Variants in PCM1 observed in about 807,000 individuals in gnomAD.
The protein encoded by PCM1 is pericentriolar material 1, also known as pericentriolar material 1 protein.
PCM1 carries 157 observed loss-of-function variants against 241.9 expected under a neutral mutation model. That is an observed-to-expected ratio of 0.65 (90% CI 0.57 to 0.74). PCM1 has a LOEUF of 0.74. Ranked by LOEUF, PCM1 falls within the 30% of genes least tolerant of loss-of-function variation. The probability of loss-of-function intolerance (pLI) is 0.00; values close to 1 mark genes in which losing one functional copy is unlikely to be tolerated. For synonymous variants in PCM1, 1,085 were observed against 784.9 expected (o/e 1.38, Z -6.39); for missense variants, 3,478 against 2,360.1 (o/e 1.47, Z -9.81).
In PCM1 at chr8:17,972,401, A is replaced by G; in HGVS notation, c.3657A>G (p.Val1219=). The G allele has an allele frequency of 6.2e-7, 1 of 1,608,362 alleles. No individual in the cohort carries two copies. Among genetic ancestry groups the G allele is most frequent in the Non-Finnish European group, 8.5e-7 (1 of 1,176,568 alleles). ...GGTTATATGAACAAGAAGGTGAAGT[A>G]GAGAAACCATTTATCAAGACTGGAT... The part of the protein sequence containing the change: ...TPWLYEQEGE[V]EKPFIKTGFS... Residue 1219 remains valine, a synonymous_variant, in exon 23 of 39, where the codon GTA becomes GTG. Coordinates refer to ENST00000325083, the MANE Select transcript of PCM1 (RefSeq NM_006197.4).
Position 18,010,773 on chromosome 8 carries a change from G to C in PCM1, c.5220+105G>C, listed in dbSNP as rs970096608. On this transcript the variant is annotated intron_variant, in intron 32 of 38. Coordinates refer to ENST00000325083, the MANE Select transcript of PCM1 (RefSeq NM_006197.4). ...CAAGGCGGGTGGATCACGAGGTCAAGATTTCCAGACCAGCCTGGCCAACAT... is the reference window on the plus strand; with the variant it reads ...CAAGGCGGGTGGATCACGAGGTCAACATTTCCAGACCAGCCTGGCCAACAT... The C allele has an allele frequency of 7.0e-6, 5 of 718,188 alleles. No individual in the cohort carries two copies. The African/African-American group carries it at 7.4e-5, about 11-fold the overall frequency. 44.5% of individuals were successfully genotyped at this position (718,188 alleles called of 1,614,324 possible). A position where few individuals can be genotyped will look rare whatever the true frequency, so the allele number is the denominator to read the frequency against.
At chr8:17,976,587 A>C (rs991878514) in intron 23 of PCM1, among the ~76,000 whole-genome samples, 1 of 152,204 alleles carries the variant, frequency 6.6e-6, no homozygotes, top group Non-Finnish European at 1.5e-5. Context: ...GACAGCTTGC[A>C]CTGTGATTCA....
Position 17,972,320 on chromosome 8 carries a change from A to C in PCM1, c.3585-9A>C. On this transcript the variant is annotated splice_polypyrimidine_tract_variant and intron_variant, in intron 22 of 38. Coordinates refer to ENST00000325083, the MANE Select transcript of PCM1 (RefSeq NM_006197.4). Reference sequence around the variant, plus strand: ...TGTTAACTTATAAAAACTTGTTTTCATTGGTAAGGAATAAAAAACTGCCTG... The same window carrying C: ...TGTTAACTTATAAAAACTTGTTTTCCTTGGTAAGGAATAAAAAACTGCCTG... The C allele has an allele frequency of 2.1e-6, 3 of 1,452,572 alleles. No individual in the cohort carries two copies. The highest frequency in any genetic ancestry group is 2.7e-6 in the Non-Finnish European group (3 of 1,094,430). The allele number at this position is 1,452,572 out of a possible 1,614,324, so 90.0% of individuals were successfully genotyped here. A position where few individuals can be genotyped will look rare whatever the true frequency, so the allele number is the denominator to read the frequency against.
chr8:17,989,971 A>T lies in PCM1; in HGVS notation c.4523A>T (p.Asp1508Val), dbSNP rs1176881736. The change falls in exon 27 of 39, where the codon GAT becomes GTT. Residue 1508 changes from aspartate (D) to valine (V), a missense_variant. Coordinates refer to ENST00000325083, the MANE Select transcript of PCM1 (RefSeq NM_006197.4). ...VSSNFEPFAT[D>V]DLGNTVIHLD... ...TCAAATTTTGAGCCTTTTGCAACAGATGATCTAGGTAAGCAGAATTGTTTA... is the reference window on the plus strand; with the variant it reads ...TCAAATTTTGAGCCTTTTGCAACAGTTGATCTAGGTAAGCAGAATTGTTTA... The T allele has an allele frequency of 6.5e-7, 1 of 1,533,144 alleles. No individual in the cohort carries two copies. The highest frequency in any genetic ancestry group is 2.1e-5 in the Admixed American group (1 of 48,630). 95.0% of individuals were successfully genotyped at this position (1,533,144 alleles called of 1,614,324 possible).
Position 18,025,652 on chromosome 8 carries a change from GA to G in PCM1, c.6045del (p.Glu2015AspfsTer34). 1 of 1,519,846 alleles carries G rather than the reference GA, an allele frequency of 6.6e-7. No individual in the cohort carries two copies. Among genetic ancestry groups the G allele is most frequent in the Non-Finnish European group, 9.0e-7 (1 of 1,113,454 alleles). 94.1% of individuals were successfully genotyped at this position (1,519,846 alleles called of 1,614,324 possible). A position where few individuals can be genotyped will look rare whatever the true frequency, so the allele number is the denominator to read the frequency against. Reference protein sequence around the residue: ...ELAGNSETLKEPETVGAQSI With the variant: ...ELAGNSETLKXPETVGAQSI ...AGCTGGAAATTCTGAGACACTAAAA[GA>G]ACCTGGTAAGAGTTATCAATTTAAA... On this transcript the variant is annotated frameshift_variant, in exon 38 of 39. Transcript: ENST00000325083. LOFTEE classifies it high-confidence loss of function.
At chr8:17,964,905 G>A (rs777335874) in intron 18 of PCM1, 137 bp downstream of exon 18, 9 of 651,542 alleles carry the variant, frequency 1.4e-5, no homozygotes, top group Non-Finnish European at 2.4e-5. Flanking sequence ...ACTACTCAGA[G>A]TTAGTGCAGA....
chr8:17,995,216 T>G (rs2086252920), intron 29 of PCM1, among the ~76,000 whole-genome samples: 1 of 151,504 alleles, frequency 6.6e-6, no homozygotes, highest in Admixed American at 6.5e-5. Flanking sequence ...TGGTGAGAGA[T>G]AGAGGTCTAG....
intron 2 of PCM1, chr8:17,934,988 G>A (rs2060024535): frequency 6.6e-6 from 1 of 152,198 alleles, no homozygotes; most frequent in East Asian, 1.9e-4. Flanking sequence ...AACTAGGGTA[G>A]TAAGCATCAC....
intron 11 of PCM1, 142 bp from the exon 12 acceptor site, chr8:17,957,122 A>G: frequency 1.6e-6 from 1 of 628,470 alleles, no homozygotes; most frequent in Non-Finnish European, 2.7e-6. Flanking sequence ...GAAAAGCAGG[A>G]GTCGATTATT....
At chr8:17,987,971 A>T (rs1024193667) in intron 26 of PCM1, among the ~76,000 whole-genome samples, 2 of 151,636 alleles carry the variant, frequency 1.3e-5, no homozygotes, top group African/African-American at 4.8e-5. Context: ...TCATTTTTGG[A>T]GCTTTTACAA....
At position 17,980,636 on chromosome 8, in the gene PCM1, G is replaced by T. The variant is rs368532115; in HGVS notation, c.3989G>T (p.Ser1330Ile). The change falls in exon 24 of 39, where the codon AGT becomes ATT. Residue 1330 changes from serine (S) to isoleucine (I), a missense_variant. By Grantham distance (142) the Ser-to-Ile change is moderately radical. Coordinates refer to ENST00000325083, the MANE Select transcript of PCM1 (RefSeq NM_006197.4). Reference sequence around the variant, plus strand: ...TCTAGCACATGTGAACCTTGCAAAAGTAGGAACAGACATTCAGCCCAGACT... The same window carrying T: ...TCTAGCACATGTGAACCTTGCAAAATTAGGAACAGACATTCAGCCCAGACT... ...SMSSTCEPCK[S>I]RNRHSAQTEE... The T allele has an allele frequency of 7.4e-6, 12 of 1,613,052 alleles. No individual in the cohort carries two copies. Among genetic ancestry groups the T allele is most frequent in the Non-Finnish European group, 1.0e-5 (12 of 1,179,524 alleles).
Position 18,014,830 on chromosome 8 carries a change from T to A in PCM1, c.5831T>A (p.Val1944Glu), listed in dbSNP as rs1187639055. Reference protein sequence around the residue: ...GSPDTESPVLVNDYEAESGNI... With the variant: ...GSPDTESPVLENDYEAESGNI... ...CCTGATACTGAATCTCCAGTGTTAG[T>A]GAATGACTATGTATGTATCATTTAC... is the stretch of plus-strand genomic sequence containing the variant. Residue 1944 changes from valine to glutamate, a missense_variant, in exon 36 of 39, where the codon GTG becomes GAG. By Grantham distance (121) the Val-to-Glu change is moderately radical. Transcript: ENST00000325083. 1 of 1,595,982 alleles carries A rather than the reference T, an allele frequency of 6.3e-7. No individual in the cohort carries two copies. Among genetic ancestry groups the A allele is most frequent in the East Asian group, 2.2e-5 (1 of 44,608 alleles).
At chr8:17,967,213 G>A (rs1439749687) in intron 21 of PCM1, 43 bp downstream of exon 21, 1 of 1,409,734 alleles carries the variant, frequency 7.1e-7, no homozygotes, top group Non-Finnish European at 9.7e-7. Context: ...AAAGCAAAGT[G>A]TTTGGAACAA....
chr8:18,018,910 AT>A (rs2093524051), intron 36 of PCM1, among the ~76,000 whole-genome samples: 2 of 123,156 alleles, frequency 1.6e-5, no homozygotes, highest in African/African-American at 3.3e-5. Flanking sequence ...ATATATATAT[AT>A]AAATATATAA....
In PCM1 at chr8:18,011,278, T is replaced by C. The variant is rs2092461203; in HGVS notation, c.5262T>C (p.Ser1754=). The change falls in exon 33 of 39, where the codon TCT becomes TCC. Residue 1754 remains serine (S), a synonymous_variant. Coordinates refer to ENST00000325083, the MANE Select transcript of PCM1 (RefSeq NM_006197.4). Reference sequence around the variant, plus strand: ...AAACAGTTAAGCAGACTCAAACATCTGAGGTGTATGATGGTCCCAAAAATG... The same window carrying C: ...AAACAGTTAAGCAGACTCAAACATCCGAGGTGTATGATGGTCCCAAAAATG... ...ETETVKQTQT[S]EVYDGPKNVR... is the part of the protein sequence containing the mutation. 6.2e-7 allele frequency: 1 copy of C among 1,606,780 alleles called. No individual in the cohort carries two copies. The highest frequency in any genetic ancestry group is 8.5e-7 in the Non-Finnish European group (1 of 1,176,486).
At chr8:17,978,628 C>T (rs763854571) in intron 23 of PCM1, among the ~76,000 whole-genome samples, 8 of 151,950 alleles carry the variant, frequency 5.3e-5, no homozygotes, top group Admixed American at 1.3e-4. Flanking sequence ...AAGGACCCTC[C>T]ACATGTCAGA....
intron 6 of PCM1, among the ~76,000 whole-genome samples, chr8:17,943,917 A>G (rs1268996540): frequency 6.6e-6 from 1 of 152,210 alleles, no homozygotes; most frequent in East Asian, 1.9e-4. Flanking sequence ...GACTTAACGC[A>G]TGATATGAAA....
At chr8:17,957,481 G>GT in intron 12 of PCM1, 59 bp from the exon 13 acceptor site, 2 of 1,604,928 alleles carry the variant, frequency 1.2e-6, no homozygotes, top group South Asian at 2.2e-5. Flanking sequence ...GTGGGTTTTC[G>GT]TTCATGTGTG....
In PCM1 at chr8:18,018,879, TACAC is replaced by T. The variant is rs377102229; in HGVS notation, c.5841+4045_5841+4048del. On this transcript the variant is annotated intron_variant, in intron 36 of 38. Coordinates refer to ENST00000325083, the MANE Select transcript of PCM1 (RefSeq NM_006197.4). Reference sequence around the variant, plus strand: ...ATATATATATATATATATATATATATACACACACATATACATACACATATATATA... The same window carrying T: ...ATATATATATATATATATATATATATACACATATACATACACATATATATA... 8.7e-3 allele frequency among the ~76,000 whole-genome samples: 310 copies of T among 35,538 alleles called. 7 individuals are homozygous for T. The highest frequency in any genetic ancestry group is 0.025 in the African/African-American group (292 of 11,854). The allele number at this position is 35,538 out of a possible 152,430, so 23.3% of individuals were successfully genotyped here.
Sources: gnomAD v4.1 joint callset for allele counts (sites outside exome capture counted in the v4.1 genomes callset) on GRCh38, gnomAD v4.1.1 for gene constraint, MANE v1.5 for transcripts, NCBI Gene and HGNC (gene_info 2026-07-23, HGNC 2026-07-21) for gene names.